TMTC1: variants seen among roughly 807,000 people sequenced by gnomAD.
The protein encoded by TMTC1 is protein O-mannosyl-transferase TMTC1.
TMTC1 carries 73 observed loss-of-function variants against 104.8 expected under a neutral mutation model. The ratio of observed to expected loss-of-function variants is 0.70; its 90% confidence interval spans 0.58 to 0.85. The LOEUF (loss-of-function observed/expected upper bound fraction) is 0.85, where lower values mean the gene tolerates loss of function less well. Among genes scored for constraint, TMTC1 ranks in the 40% least tolerant of loss-of-function variants. TMTC1 has a pLI of 0.00. For missense variants in TMTC1, 1,035 were observed against 1,096.1 expected (o/e 0.94, Z 0.79); for synonymous variants, 434 against 428.7 (o/e 1.01, Z -0.15).
chr12:29,685,822 T>C (rs549593493), intron 5 of TMTC1, among the ~76,000 whole-genome samples: 1 of 151,698 alleles, frequency 6.6e-6, no homozygotes, highest in Non-Finnish European at 1.5e-5. Flanking sequence ...ATAGATTCCC[T>C]AATTTAAAAG....
intron 15 of TMTC1, 78 bp downstream of exon 15, chr12:29,516,269 ACG>A: frequency 6.6e-7 from 1 of 1,503,946 alleles, no homozygotes; most frequent in Non-Finnish European, 9.0e-7. Context: ...GCTTATAAAC[ACG>A]CAAACTGGAG....
At chr12:29,688,574 C>A (rs886478047) in intron 5 of TMTC1, among the ~76,000 whole-genome samples, 3 of 152,200 alleles carry the variant, frequency 2.0e-5, no homozygotes, top group Non-Finnish European at 2.9e-5. Flanking sequence ...TCCCTGCCCA[C>A]GCAGTGATGT....
chr12:29,760,890 CAT>C (rs938418270), intron 2 of TMTC1, among the ~76,000 whole-genome samples: 105 of 147,842 alleles, frequency 7.1e-4, no homozygotes, highest in Non-Finnish European at 1.4e-3. Flanking sequence ...TAATGTATTA[CAT>C]ATATGATATG....
At chr12:29,732,046 TAC>T (rs1942557518) in intron 5 of TMTC1, among the ~76,000 whole-genome samples, 1 of 152,184 alleles carries the variant, frequency 6.6e-6, no homozygotes, top group Admixed American at 6.6e-5. Flanking sequence ...TTATGTAAAA[TAC>T]ACAGTATTAA....
intron 2 of TMTC1, among the ~76,000 whole-genome samples, chr12:29,764,247 C>T (rs569415416): frequency 2.7e-4 from 41 of 152,284 alleles, no homozygotes; most frequent in African/African-American, 9.9e-4. Context: ...TTAACAATAT[C>T]ACAGGCAGAA....
chr12:29,618,311 G>C lies in TMTC1; in HGVS notation c.1129-14012C>G, dbSNP rs34769930. Among the ~76,000 whole-genome samples, 645 of 152,310 alleles carry C rather than the reference G, an allele frequency of 4.2e-3. 2 individuals are homozygous for C. Among genetic ancestry groups the C allele is most frequent in the Non-Finnish European group, 5.9e-3 (403 of 68,028 alleles). ...TCAGAATGTTGAATTTGATACTACA[G>C]TGTGGAGATGCATGTATATAGATGA... On this transcript the variant is annotated intron_variant, in intron 6 of 17. Transcript: ENST00000539277.
At chr12:29,760,906 ATAT>A (rs1746978046) in intron 2 of TMTC1, among the ~76,000 whole-genome samples, 1 of 148,158 alleles carries the variant, frequency 6.7e-6, no homozygotes, top group South Asian at 2.1e-4. Flanking sequence ...TGATATGCAT[ATAT>A]TATATTTTCT....
intron 11 of TMTC1, among the ~76,000 whole-genome samples, chr12:29,527,143 T>C (rs893941804): frequency 6.6e-6 from 1 of 152,228 alleles, no homozygotes; most frequent in African/African-American, 2.4e-5. Flanking sequence ...AATTAAAATA[T>C]GATCACAGGT....
chr12:29,505,195 C>A lies in TMTC1; in HGVS notation c.*1651G>T, dbSNP rs1266554079. 6.6e-6 allele frequency: 1 copy of A among 152,114 alleles called. No homozygotes were observed. The highest frequency in any genetic ancestry group is 2.4e-5 in the African/African-American group (1 of 41,408). 9.4% of individuals were successfully genotyped at this position (152,114 alleles called of 1,614,324 possible). A position where few individuals can be genotyped will look rare whatever the true frequency, so the allele number is the denominator to read the frequency against. On this transcript the variant is annotated 3_prime_UTR_variant, in exon 18 of 18. Transcript: ENST00000539277. ...TACCTTGACAAAACAAATAATAACA[C>A]TGGGGTAGTGCTTCCTGATACTGGG...
intron 5 of TMTC1, among the ~76,000 whole-genome samples, chr12:29,642,724 G>C (rs1302107829): frequency 1.3e-5 from 2 of 152,074 alleles, no homozygotes; most frequent in African/African-American, 4.8e-5. Flanking sequence ...AGGAGATCAA[G>C]ACCATTCTGG....
intron 12 of TMTC1, chr12:29,519,463 G>T (rs1817961883): frequency 6.6e-6 from 1 of 152,092 alleles, no homozygotes; most frequent in African/African-American, 2.4e-5. Flanking sequence ...GTAGCTTCCT[G>T]GTGAAACTAT....
chr12:29,646,710 A>C (rs1044690522), intron 5 of TMTC1, among the ~76,000 whole-genome samples: 4 of 152,164 alleles, frequency 2.6e-5, no homozygotes, highest in Non-Finnish European at 4.4e-5. Context: ...TTTCATCCCC[A>C]AAAAGCTATT....
chr12:29,659,718 A>C (rs1268174118), intron 5 of TMTC1, among the ~76,000 whole-genome samples: 2 of 152,204 alleles, frequency 1.3e-5, no homozygotes, highest in Non-Finnish European at 2.9e-5. Context: ...TAATACTGCC[A>C]AAACAGCTTT....
chr12:29,573,200 A>G (rs1371398342), intron 8 of TMTC1, among the ~76,000 whole-genome samples: 2 of 152,148 alleles, frequency 1.3e-5, no homozygotes, highest in Non-Finnish European at 2.9e-5. Context: ...TTACTCAACA[A>G]TGGAGGGTGA....
At chr12:29,700,049 AATTTT>A (rs1418257866) in intron 5 of TMTC1, among the ~76,000 whole-genome samples, 2 of 151,576 alleles carry the variant, frequency 1.3e-5, no homozygotes, top group African/African-American at 2.4e-5. Flanking sequence ...TTTACATTTA[AATTTT>A]ATTTTATCTT....
At position 29,506,700 on chromosome 12, in the gene TMTC1, A is replaced by T; in HGVS notation, c.*146T>A. The T allele has an allele frequency of 1.0e-6, 1 of 1,003,022 alleles. No individual in the cohort carries two copies. The highest frequency in any genetic ancestry group is 1.5e-6 in the Non-Finnish European group (1 of 666,326). 62.1% of individuals were successfully genotyped at this position (1,003,022 alleles called of 1,614,324 possible). On this transcript the variant is annotated 3_prime_UTR_variant, in exon 18 of 18. Transcript: ENST00000539277. ...GCAAGTCCTTCAGCACTGGGCTACCAGCAGATGTCCCAAAATGTGTCACCC... is the reference window on the plus strand; with the variant it reads ...GCAAGTCCTTCAGCACTGGGCTACCTGCAGATGTCCCAAAATGTGTCACCC...
In TMTC1 at chr12:29,638,061, C is replaced by T. The variant is rs149975858; in HGVS notation, c.939-4725G>A. 7.6e-4 allele frequency among the ~76,000 whole-genome samples: 116 copies of T among 152,214 alleles called. 1 individual carries two copies. In the Middle Eastern group the frequency reaches 0.017, roughly 22 times the overall value. On this transcript the variant is annotated intron_variant, in intron 5 of 17. Transcript: ENST00000539277. ...TGATACCGCTGACATGGGAGGCGGGCAGGGAAGTGCTGGGTAGAGAAGGGC... is the reference window on the plus strand; with the variant it reads ...TGATACCGCTGACATGGGAGGCGGGTAGGGAAGTGCTGGGTAGAGAAGGGC...
chr12:29,637,954 C>T (rs1383560413), intron 5 of TMTC1, among the ~76,000 whole-genome samples: 1 of 152,184 alleles, frequency 6.6e-6, no homozygotes, highest in Non-Finnish European at 1.5e-5. Context: ...CCACTGTACA[C>T]ACTCACCTCC....
intron 5 of TMTC1, among the ~76,000 whole-genome samples, chr12:29,639,338 T>C (rs1938720245): frequency 6.6e-6 from 1 of 152,150 alleles, no homozygotes; most frequent in South Asian, 2.1e-4. Context: ...AGATGGGAGA[T>C]AGTCCAGGCA....
Sources: gnomAD v4.1 joint callset for allele counts (sites outside exome capture counted in the v4.1 genomes callset) on GRCh38, gnomAD v4.1.1 for gene constraint, MANE v1.5 for transcripts, NCBI Gene and HGNC (gene_info 2026-07-23, HGNC 2026-07-21) for gene names.